The following SORCS1 variants were observed in gnomAD, a reference collection of about 807,000 sequenced individuals.
SORCS1 encodes the protein VPS10 domain-containing receptor SorCS1.
In SORCS1, 60 loss-of-function variants were observed where a neutral mutation model predicts 146.1. That is an observed-to-expected ratio of 0.41 (90% CI 0.33 to 0.51). The LOEUF (loss-of-function observed/expected upper bound fraction) is 0.51. Among genes scored for constraint, SORCS1 ranks in the 20% least tolerant of loss-of-function variants. The probability of loss-of-function intolerance (pLI) is 0.21; values close to 1 mark genes in which losing one functional copy is unlikely to be tolerated. For missense variants in SORCS1, 1,352 were observed against 1,487.6 expected (o/e 0.91, Z 1.50); for synonymous variants, 637 against 584.0 (o/e 1.09, Z -1.31).
intron 5 of SORCS1, among the ~76,000 whole-genome samples, chr10:106,741,958 C>A (rs1029427973): frequency 6.6e-6 from 1 of 152,164 alleles, no homozygotes; most frequent in Non-Finnish European, 1.5e-5. Context: ...TTCCATACTT[C>A]GTCAGATTAT....
chr10:106,954,141 C>G (rs1197375689), intron 2 of SORCS1, among the ~76,000 whole-genome samples: 2 of 152,208 alleles, frequency 1.3e-5, no homozygotes, highest in Admixed American at 6.5e-5. Flanking sequence ...CTCCTCAGGC[C>G]CTGCAGGCAT....
intron 2 of SORCS1, among the ~76,000 whole-genome samples, chr10:106,884,297 T>C (rs1216307528): frequency 6.6e-6 from 1 of 152,190 alleles, no homozygotes; most frequent in Non-Finnish European, 1.5e-5. Flanking sequence ...TCCTCTCAAA[T>C]AGAGTGCTGA....
intron 14 of SORCS1, among the ~76,000 whole-genome samples, chr10:106,673,323 G>A (rs1182833400): frequency 2.6e-5 from 4 of 151,962 alleles, no homozygotes; most frequent in Admixed American, 1.3e-4. Flanking sequence ...AGTAGAGATG[G>A]GGTTCCACCA....
upstream of SORCS1, among the ~76,000 whole-genome samples, chr10:107,168,650 A>C (rs1285056112): frequency 6.8e-6 from 1 of 147,496 alleles, no homozygotes; most frequent in Admixed American, 6.9e-5. Context: ...TGGAGTTTAA[A>C]TGTACCAGCT....
At position 106,597,403 on chromosome 10, in the gene SORCS1, G is replaced by T. The variant is rs1197981673; in HGVS notation, c.3213C>A (p.Phe1071Leu). ...GGACTCGGACTCCTGGCTTCAGCTC[G>T]AAGTGTACTGAGTTTTGGTTGAGCG... ...IHTLNQNSVH[F>L]ELKPGVRVLV... is the part of the protein sequence containing the mutation. The change falls in exon 24 of 26, where the codon TTC becomes TTA. Residue 1071 changes from phenylalanine to leucine, a missense_variant. Coordinates refer to ENST00000263054, the MANE Select transcript of SORCS1 (RefSeq NM_052918.5). 1.2e-6 allele frequency: 2 copies of T among 1,613,874 alleles called. No individual in the cohort carries two copies. Among genetic ancestry groups the T allele is most frequent in the South Asian group, 1.1e-5 (1 of 91,080 alleles).
In SORCS1 at chr10:106,679,241, A is replaced by C; in HGVS notation, c.1740+15T>G. On this transcript the variant is annotated intron_variant, in intron 12 of 25. Transcript: ENST00000263054. ...TACTTAAACTTCAGCGATTTGACCCAGGGTATTTTCTTACCTGTCTCCAGG... is the reference window on the plus strand; with the variant it reads ...TACTTAAACTTCAGCGATTTGACCCCGGGTATTTTCTTACCTGTCTCCAGG... 6.3e-7 allele frequency: 1 copy of C among 1,599,554 alleles called. No individual in the cohort carries two copies. The highest frequency in any genetic ancestry group is 1.1e-5 in the South Asian group (1 of 88,540).
intron 10 of SORCS1, among the ~76,000 whole-genome samples, chr10:106,680,502 A>G (rs574487260): frequency 1.3e-5 from 2 of 152,364 alleles, no homozygotes; most frequent in African/African-American, 4.8e-5. Context: ...AGAATCAGAA[A>G]TATTCAATAT....
intron 1 of SORCS1, among the ~76,000 whole-genome samples, chr10:106,995,950 C>G (rs1405336587): frequency 1.3e-5 from 2 of 151,936 alleles, no homozygotes; most frequent in Non-Finnish European, 2.9e-5. Context: ...GAAATGAGGC[C>G]AGGTGCGGTG....
intron 2 of SORCS1, among the ~76,000 whole-genome samples, chr10:106,854,722 G>A (rs1456557994): frequency 6.6e-6 from 1 of 152,052 alleles, no homozygotes; most frequent in Admixed American, 6.5e-5. Context: ...CATGGGGAGT[G>A]CAGGCACTCT....
intron 2 of SORCS1, among the ~76,000 whole-genome samples, chr10:106,879,001 G>A (rs1241549706): frequency 6.6e-6 from 1 of 151,544 alleles, no homozygotes; most frequent in East Asian, 1.9e-4. Context: ...CAAAAAAAAA[G>A]TAGCCGGACA....
intron 2 of SORCS1, among the ~76,000 whole-genome samples, chr10:106,836,088 T>C (rs1053638505): frequency 7.2e-5 from 11 of 151,948 alleles, no homozygotes; most frequent in African/African-American, 2.7e-4. Flanking sequence ...GCTCTTCACA[T>C]GTAGAATCCT....
intron 4 of SORCS1, among the ~76,000 whole-genome samples, chr10:106,774,734 T>C (rs146884583): frequency 3.1e-4 from 47 of 152,314 alleles, no homozygotes; most frequent in African/African-American, 1.1e-3. Flanking sequence ...TAATATTCAG[T>C]GACAGCACTG....
intron 2 of SORCS1, among the ~76,000 whole-genome samples, chr10:106,905,822 C>T (rs1172858905): frequency 2.6e-5 from 4 of 152,176 alleles, no homozygotes; most frequent in African/African-American, 9.7e-5. Context: ...CGCATGTCTG[C>T]TAACTCTATC....
intron 2 of SORCS1, among the ~76,000 whole-genome samples, chr10:106,851,626 GT>G (rs1383649016): frequency 6.6e-6 from 1 of 152,190 alleles, no homozygotes; most frequent in Non-Finnish European, 1.5e-5. Flanking sequence ...AAGTCTTGAA[GT>G]CAGGCAGTGA....
intron 2 of SORCS1, among the ~76,000 whole-genome samples, chr10:106,926,862 CACACAGAGAGAGAG>C (rs1303637323): frequency 1.4e-4 from 14 of 97,390 alleles, no homozygotes; most frequent in East Asian, 6.6e-4. Flanking sequence ...CACACACACA[CACACAGAGAGAGAG>C]AGAGAGAGAG....
At chr10:106,590,493 G>T (rs1036561224) in intron 24 of SORCS1, among the ~76,000 whole-genome samples, 6 of 152,126 alleles carry the variant, frequency 3.9e-5, no homozygotes, top group African/African-American at 1.4e-4. Context: ...CAAGTTACTA[G>T]GGTCAATGAG....
At chr10:107,033,157 T>C (rs1241671448) in intron 1 of SORCS1, among the ~76,000 whole-genome samples, 1 of 152,032 alleles carries the variant, frequency 6.6e-6, no homozygotes, top group Non-Finnish European at 1.5e-5. Context: ...AAGCACATAT[T>C]CTCACAGCCA....
intron 1 of SORCS1, among the ~76,000 whole-genome samples, chr10:107,153,483 T>C (rs1355686052): frequency 6.6e-6 from 1 of 152,232 alleles, no homozygotes; most frequent in Non-Finnish European, 1.5e-5. Context: ...CTGGAATTTC[T>C]GGGATATATA....
At chr10:107,138,660 A>G (rs1967542999) in intron 1 of SORCS1, among the ~76,000 whole-genome samples, 1 of 152,230 alleles carries the variant, frequency 6.6e-6, no homozygotes. Flanking sequence ...TTTTAAGAGT[A>G]AAGATTTTCA....
Sources: allele counts gnomAD v4.1 joint callset (sites outside exome capture counted in the v4.1 genomes callset), GRCh38; gene constraint gnomAD v4.1.1; transcripts MANE v1.5; gene names NCBI Gene and HGNC (gene_info 2026-07-23, HGNC 2026-07-21).